Variants in ZNF385D observed in about 807,000 individuals in gnomAD.
ZNF385D encodes zinc finger protein 659.
A neutral mutation model predicts 35.8 loss-of-function variants in ZNF385D; 15 were observed. That is an observed-to-expected ratio of 0.42 (90% CI 0.28 to 0.64). The LOEUF (loss-of-function observed/expected upper bound fraction) is 0.64. ZNF385D is among the 30% of genes least tolerant of loss of function. The pLI is 0.23. For missense variants in ZNF385D, 474 were observed against 494.6 expected, an observed-to-expected ratio of 0.96 and a Z score of 0.39; for synonymous variants, 212 against 186.8, an observed-to-expected ratio of 1.13 and a Z score of -1.10.
In ZNF385D at chr3:22,313,509, A is replaced by G. The variant is rs529205589; in HGVS notation, c.106+58941T>C. On this transcript the variant is annotated intron_variant, in intron 2 of 5. Transcript: ENST00000494108. ...TCTATTCTGGTGTGGGAGAAATTCAATGAAGAATATGGTGTAGATGTCACA... is the reference window on the plus strand; with the variant it reads ...TCTATTCTGGTGTGGGAGAAATTCAGTGAAGAATATGGTGTAGATGTCACA... 3.3e-5 allele frequency among the ~76,000 whole-genome samples: 5 copies of G among 152,324 alleles called. No homozygotes were observed. The South Asian group carries it at 1.0e-3, about 32-fold the overall frequency.
At chr3:21,467,969 CTT>C (rs1559319788) in intron 4 of ZNF385D, among the ~76,000 whole-genome samples, 1 of 151,970 alleles carries the variant, frequency 6.6e-6, no homozygotes, top group Non-Finnish European at 1.5e-5. Flanking sequence ...ACAAATAAGA[CTT>C]GTCTACGGGA....
rs925113331 is a variant in ZNF385D, at chr3:21,646,084, G to A, written c.165+18802C>T. ...TACCTAAAAAGAATGTGGAGGCTGA[G>A]GCCAAAGTGTCAGATAAGTTTTTTT... On this transcript the variant is annotated intron_variant, in intron 2 of 7. Transcript: ENST00000281523. The surrounding 1 kb of genome is among the most constrained non-coding windows in gnomAD (Gnocchi z 4.3). Among the ~76,000 whole-genome samples the A allele has an allele frequency of 6.6e-6, 1 of 152,028 alleles. No homozygotes were observed. The highest frequency in any genetic ancestry group is 1.9e-4 in the East Asian group (1 of 5,182).
At chr3:22,070,824 A>AT (rs1173997613) in intron 3 of ZNF385D, among the ~76,000 whole-genome samples, 1 of 152,212 alleles carries the variant, frequency 6.6e-6, no homozygotes, top group African/African-American at 2.4e-5. Flanking sequence ...GATATAATTT[A>AT]TAAACAGCTT....
At chr3:21,832,063 T>C (rs1189858775) in intron 3 of ZNF385D, among the ~76,000 whole-genome samples, 1 of 115,928 alleles carries the variant, frequency 8.6e-6, no homozygotes, top group Non-Finnish European at 1.8e-5. Flanking sequence ...ATAAATTTTC[T>C]AGACAATGTT....
At chr3:21,451,109 G>T (rs562084993) in intron 4 of ZNF385D, among the ~76,000 whole-genome samples, 4 of 152,156 alleles carry the variant, frequency 2.6e-5, no homozygotes, top group Admixed American at 1.3e-4. Flanking sequence ...AATTTTGTGA[G>T]CTTCTCCTTT....
chr3:22,368,422 C>T (rs1375082857), intron 2 of ZNF385D, among the ~76,000 whole-genome samples: 3 of 152,146 alleles, frequency 2.0e-5, no homozygotes, highest in Non-Finnish European at 4.4e-5. Context: ...TCAACTTCCT[C>T]TAATTGCAAA....
intron 2 of ZNF385D, among the ~76,000 whole-genome samples, chr3:22,194,550 T>G (rs561635964): frequency 1.3e-5 from 2 of 152,094 alleles, no homozygotes; most frequent in Admixed American, 1.3e-4. Context: ...TCACTGTCAT[T>G]TTTGTAAAAT....
At chr3:22,069,283 A>G (rs942301975) in intron 3 of ZNF385D, among the ~76,000 whole-genome samples, 1 of 152,170 alleles carries the variant, frequency 6.6e-6, no homozygotes, top group Non-Finnish European at 1.5e-5. Context: ...AAATGGTTCT[A>G]CATACCCTCA....
Position 22,312,385 on chromosome 3 carries a change from T to C in ZNF385D, c.106+60065A>G, listed in dbSNP as rs143876947. Among the ~76,000 whole-genome samples the C allele has an allele frequency of 2.8e-3, 420 of 152,234 alleles. 3 individuals are homozygous for C. The highest frequency in any genetic ancestry group is 9.6e-3 in the African/African-American group (397 of 41,554). ...CAAAATACTCCGAAACCCCATAGTC[T>C]CACTAAGATGTAGATATAACATTTT... On this transcript the variant is annotated intron_variant, in intron 2 of 5. Transcript: ENST00000494108.
chr3:21,768,505 C>T (rs2070930968), intron 3 of ZNF385D, among the ~76,000 whole-genome samples: 1 of 151,828 alleles, frequency 6.6e-6, no homozygotes, highest in Non-Finnish European at 1.5e-5. Flanking sequence ...AATGCTTGGA[C>T]AGTAAAGTGG....
chr3:21,701,116 T>C (rs1483475349), intron 1 of ZNF385D, among the ~76,000 whole-genome samples: 1 of 152,202 alleles, frequency 6.6e-6, no homozygotes, highest in Non-Finnish European at 1.5e-5. Context: ...ATGGATTGGC[T>C]ATGACCCTCT....
chr3:22,209,335 A>G (rs1697366336), intron 2 of ZNF385D, among the ~76,000 whole-genome samples: 1 of 151,952 alleles, frequency 6.6e-6, no homozygotes, highest in African/African-American at 2.4e-5. Flanking sequence ...TTAATAGTGG[A>G]AAGTAATTAA....
intron 3 of ZNF385D, among the ~76,000 whole-genome samples, chr3:21,969,510 C>G (rs1437591534): frequency 6.6e-6 from 1 of 152,228 alleles, no homozygotes; most frequent in Middle Eastern, 3.4e-3. Context: ...TATAAATTAC[C>G]CAGTCTTGAG....
chr3:22,083,906 G>A (rs1414876034), intron 3 of ZNF385D, among the ~76,000 whole-genome samples: 1 of 152,218 alleles, frequency 6.6e-6, no homozygotes, highest in Non-Finnish European at 1.5e-5. Flanking sequence ...CTACAAGCCA[G>A]AAGAGAGTGG....
intron 3 of ZNF385D, among the ~76,000 whole-genome samples, chr3:21,869,320 T>C (rs9845570): frequency 0.036 from 5,458 of 152,196 alleles, 250 homozygotes; most frequent in African/African-American, 0.098. Context: ...GGTATTCCAA[T>C]AGAGTTATCA....
At chr3:21,818,105 AC>A (rs1282531787) in intron 3 of ZNF385D, among the ~76,000 whole-genome samples, 4 of 151,000 alleles carry the variant, frequency 2.6e-5, no homozygotes, top group African/African-American at 9.8e-5. Context: ...GCATGTTCTC[AC>A]TCATAGGTGG....
At chr3:21,785,288 TTGA>T (rs765302129) in intron 3 of ZNF385D, among the ~76,000 whole-genome samples, 10 of 152,204 alleles carry the variant, frequency 6.6e-5, no homozygotes, top group Admixed American at 1.3e-4. Context: ...GGTTCATAAC[TTGA>T]TGATTTCATA....
intron 3 of ZNF385D, among the ~76,000 whole-genome samples, chr3:21,803,861 A>C (rs916884919): frequency 6.6e-6 from 1 of 152,212 alleles, no homozygotes; most frequent in African/African-American, 2.4e-5. Context: ...ACAGGTTCCC[A>C]TGGGATAATT....
At chr3:21,922,049 A>T (rs1411407057) in intron 3 of ZNF385D, among the ~76,000 whole-genome samples, 2 of 152,202 alleles carry the variant, frequency 1.3e-5, no homozygotes, top group Non-Finnish European at 1.5e-5. Flanking sequence ...ACGAGAAAAG[A>T]AAATGACAGG....
Sources: allele counts gnomAD v4.1 joint callset (sites outside exome capture counted in the v4.1 genomes callset), GRCh38; gene constraint gnomAD v4.1.1; non-coding constraint Gnocchi (gnomAD v3.1); transcripts MANE v1.5; gene names NCBI Gene and HGNC (gene_info 2026-07-23, HGNC 2026-07-21).